Variants in RBFOX1 observed in about 807,000 individuals in gnomAD.
The protein encoded by RBFOX1 is RNA binding protein fox-1 homolog 1.
RBFOX1 carries 8 observed loss-of-function variants against 57.7 expected under a neutral mutation model. The ratio of observed to expected loss-of-function variants is 0.14; its 90% confidence interval spans 0.08 to 0.25. RBFOX1 has a LOEUF of 0.25. Among genes scored for constraint, RBFOX1 ranks in the 10% least tolerant of loss-of-function variants. RBFOX1 has a pLI of 1.00. For missense variants in RBFOX1, 611 were observed against 548.5 expected (o/e 1.11, Z -1.14); for synonymous variants, 326 against 222.4 (o/e 1.47, Z -4.15).
At chr16:6,076,299 C>CA (rs35272016) in intron 1 of RBFOX1, among the ~76,000 whole-genome samples, 4,593 of 144,154 alleles carry the variant, frequency 0.032, 192 homozygotes, top group African/African-American at 0.084. Context: ...AACTCTGTCT[C>CA]AAAAAAAAAA....
At chr16:5,767,298 G>C (rs531254767) in intron 3 of RBFOX1, among the ~76,000 whole-genome samples, 1 of 152,338 alleles carries the variant, frequency 6.6e-6, no homozygotes, top group South Asian at 2.1e-4. Flanking sequence ...GCTGCTCATG[G>C]TTGAAGGAAG....
intron 3 of RBFOX1, among the ~76,000 whole-genome samples, chr16:5,699,715 A>G (rs922866749): frequency 2.0e-5 from 3 of 152,238 alleles, no homozygotes; most frequent in African/African-American, 7.2e-5. Flanking sequence ...TGCACAGGAC[A>G]GCTCTTCATT....
intron 1 of RBFOX1, among the ~76,000 whole-genome samples, chr16:5,324,571 T>C (rs1336990086): frequency 6.6e-6 from 1 of 152,194 alleles, no homozygotes; most frequent in East Asian, 1.9e-4. Flanking sequence ...TGCCCATCAG[T>C]GGTAGATTGG....
intron 3 of RBFOX1, among the ~76,000 whole-genome samples, chr16:6,673,462 C>G (rs187736264): frequency 3.9e-5 from 6 of 152,186 alleles, no homozygotes; most frequent in Admixed American, 6.5e-5. Flanking sequence ...GTGGTGCATG[C>G]CTGTAATCCC....
chr16:6,505,145 G>A (rs2096057550), intron 2 of RBFOX1, among the ~76,000 whole-genome samples: 1 of 152,222 alleles, frequency 6.6e-6, no homozygotes, highest in South Asian at 2.1e-4. Flanking sequence ...CAGACTTGGG[G>A]GTTTCTGCCC....
At chr16:7,389,928 C>T (rs1183578109) in intron 4 of RBFOX1, among the ~76,000 whole-genome samples, 1 of 152,032 alleles carries the variant, frequency 6.6e-6, no homozygotes, top group Non-Finnish European at 1.5e-5. Flanking sequence ...TAAAGAGATA[C>T]CTGAGTCTGG....
intron 4 of RBFOX1, among the ~76,000 whole-genome samples, chr16:7,259,328 A>G (rs1037853144): frequency 1.3e-5 from 2 of 152,178 alleles, no homozygotes; most frequent in African/African-American, 4.8e-5. Context: ...AGGCACACAC[A>G]TGCAAATTAT....
intron 1 of RBFOX1, among the ~76,000 whole-genome samples, chr16:5,355,669 C>A (rs1366434518): frequency 1.3e-5 from 2 of 152,158 alleles, no homozygotes; most frequent in Non-Finnish European, 2.9e-5. Context: ...AGGTCCAAGT[C>A]CTAACCCCTG....
intron 3 of RBFOX1, among the ~76,000 whole-genome samples, chr16:5,722,706 T>C (rs572949073): frequency 2.0e-5 from 3 of 152,208 alleles, no homozygotes; most frequent in Admixed American, 1.3e-4. Flanking sequence ...CCCAGCTCTT[T>C]CCCAGCTTCA....
intron 3 of RBFOX1, among the ~76,000 whole-genome samples, chr16:6,905,783 C>G (rs1015218646): frequency 6.6e-6 from 1 of 152,188 alleles, no homozygotes; most frequent in African/African-American, 2.4e-5. Flanking sequence ...AAGAGACAGA[C>G]TGAGCCGGTC....
intron 2 of RBFOX1, among the ~76,000 whole-genome samples, chr16:6,534,779 G>A (rs1416686120): frequency 6.6e-6 from 1 of 152,124 alleles, no homozygotes. Context: ...CACTTTGACT[G>A]GGGTACTGGT....
chr16:6,213,454 T>C (rs1361913741), intron 1 of RBFOX1, among the ~76,000 whole-genome samples: 1 of 152,190 alleles, frequency 6.6e-6, no homozygotes, highest in Non-Finnish European at 1.5e-5. Flanking sequence ...CCTAGACAGC[T>C]GCCTCAGCTG....
intron 5 of RBFOX1, among the ~76,000 whole-genome samples, chr16:7,531,368 A>G (rs892180008): frequency 5.9e-5 from 9 of 152,176 alleles, no homozygotes; most frequent in African/African-American, 2.2e-4. Context: ...TACCCAGTGG[A>G]AATGGTACTA....
At chr16:7,212,478 G>T (rs1415567777) in intron 4 of RBFOX1, among the ~76,000 whole-genome samples, 1 of 152,066 alleles carries the variant, frequency 6.6e-6, no homozygotes, top group African/African-American at 2.4e-5. Context: ...AGAGTTTAGG[G>T]AATTACAAAA....
intron 4 of RBFOX1, among the ~76,000 whole-genome samples, chr16:7,241,334 AC>A (rs1405943534): frequency 6.6e-6 from 1 of 152,038 alleles, no homozygotes; most frequent in Non-Finnish European, 1.5e-5. Context: ...GAAGCAGGTC[AC>A]CTCCTGGCCC....
At chr16:5,977,841 C>T (rs575401451) in intron 4 of RBFOX1, among the ~76,000 whole-genome samples, 1 of 152,056 alleles carries the variant, frequency 6.6e-6, no homozygotes, top group Non-Finnish European at 1.5e-5. Flanking sequence ...ACTCAAAAAG[C>T]CTTTTTTGGC....
chr16:6,642,973 T>G (rs1176340820), intron 2 of RBFOX1, among the ~76,000 whole-genome samples: 12 of 152,194 alleles, frequency 7.9e-5, no homozygotes, highest in Admixed American at 2.6e-4. Context: ...AAATAGCTCT[T>G]ACATCGTGAG....
In RBFOX1 at chr16:7,014,885, C is replaced by A. The variant is rs1044436720; in HGVS notation, c.-15-37172C>A. ...GATTACAGGCATGTGCCACCACACC[C>A]GGCTAATTTTTTTGTATTTTTACTA... On this transcript the variant is annotated intron_variant, in intron 3 of 15. Coordinates refer to ENST00000550418, the MANE Select transcript of RBFOX1 (RefSeq NM_018723.4). Among the ~76,000 whole-genome samples the A allele has an allele frequency of 6.6e-5, 10 of 151,954 alleles. No homozygotes were observed. The East Asian group carries it at 1.8e-3, about 27-fold the overall frequency.
chr16:6,819,896 A>C (rs2090959160), intron 3 of RBFOX1, among the ~76,000 whole-genome samples: 1 of 152,058 alleles, frequency 6.6e-6, no homozygotes, highest in African/African-American at 2.4e-5. Flanking sequence ...AGCATACCTT[A>C]CAGAGCTCTG....
Sources: gnomAD v4.1 joint callset for allele counts (sites outside exome capture counted in the v4.1 genomes callset) on GRCh38, gnomAD v4.1.1 for gene constraint, MANE v1.5 for transcripts, NCBI Gene and HGNC (gene_info 2026-07-23, HGNC 2026-07-21) for gene names.